HS3ST5: variants seen among roughly 807,000 people sequenced by gnomAD.
HS3ST5 encodes the protein heparan sulfate glucosamine 3-O-sulfotransferase 5.
A neutral mutation model predicts 25.4 loss-of-function variants in HS3ST5; 10 were observed. That is an observed-to-expected ratio of 0.39 (90% CI 0.24 to 0.67). The LOEUF (loss-of-function observed/expected upper bound fraction) is 0.67. HS3ST5 is among the 30% of genes least tolerant of loss of function. The pLI, the probability that HS3ST5 is intolerant of heterozygous loss-of-function variation, is 0.44. For synonymous variants in HS3ST5, 170 were observed against 162.4 expected, an observed-to-expected ratio of 1.05 and a Z score of -0.36; for missense variants, 324 against 420.7, an observed-to-expected ratio of 0.77 and a Z score of 2.01.
intron 3 of HS3ST5, among the ~76,000 whole-genome samples, chr6:114,086,774 G>T (rs1019376672): frequency 6.6e-6 from 1 of 152,188 alleles, no homozygotes; most frequent in African/African-American, 2.4e-5. Flanking sequence ...GGGGAACACA[G>T]AATGCCAAAC....
chr6:114,247,376 T>C (rs1041078688), intron 1 of HS3ST5, among the ~76,000 whole-genome samples: 1 of 152,164 alleles, frequency 6.6e-6, no homozygotes, highest in African/African-American at 2.4e-5. Context: ...ACCTTAGTGA[T>C]GAAAACCGGA....
intron 2 of HS3ST5, among the ~76,000 whole-genome samples, chr6:114,180,063 A>G (rs937173194): frequency 6.6e-6 from 1 of 152,044 alleles, no homozygotes; most frequent in Admixed American, 6.5e-5. Context: ...GCCCACCCAC[A>G]TTGAGGATGG....
chr6:114,095,882 G>A (rs971097602), intron 3 of HS3ST5, among the ~76,000 whole-genome samples: 8 of 152,008 alleles, frequency 5.3e-5, no homozygotes, highest in South Asian at 2.1e-4. Context: ...CTCTGGATAC[G>A]TCTCCTGTCC....
chr6:114,308,939 G>A (rs184851258), intron 1 of HS3ST5, among the ~76,000 whole-genome samples: 3 of 152,330 alleles, frequency 2.0e-5, no homozygotes, highest in Admixed American at 2.0e-4. Context: ...GAAGGATGAT[G>A]TTCCCTTCAG....
intron 1 of HS3ST5, among the ~76,000 whole-genome samples, chr6:114,313,270 A>G (rs542134586): frequency 5.9e-5 from 9 of 152,272 alleles, no homozygotes; most frequent in Non-Finnish European, 1.0e-4. Flanking sequence ...AGTATATCAC[A>G]CTGGAAAACA....
intron 2 of HS3ST5, among the ~76,000 whole-genome samples, chr6:114,170,415 A>C (rs1779424253): frequency 6.6e-6 from 1 of 152,118 alleles, no homozygotes; most frequent in Non-Finnish European, 1.5e-5. Context: ...TATTCCTTGG[A>C]GTCTCCTCTA....
intron 2 of HS3ST5, among the ~76,000 whole-genome samples, chr6:114,203,443 G>A (rs1390744312): frequency 6.6e-6 from 1 of 152,122 alleles, no homozygotes; most frequent in Non-Finnish European, 1.5e-5. Context: ...CTAAGATGTA[G>A]GCATAATTAG....
intron 2 of HS3ST5, among the ~76,000 whole-genome samples, chr6:114,177,126 T>C (rs1779758091): frequency 6.6e-6 from 1 of 152,224 alleles, no homozygotes; most frequent in Non-Finnish European, 1.5e-5. Flanking sequence ...GGTAGTATCA[T>C]ACATTTTGAC....
intron 1 of HS3ST5, chr6:114,251,489 A>G (rs943431122): frequency 2.0e-5 from 3 of 152,180 alleles, no homozygotes; most frequent in Non-Finnish European, 4.4e-5. Flanking sequence ...GCTTCTCAGC[A>G]TTTACATTCC....
At chr6:114,269,342 C>G (rs530740815) in intron 1 of HS3ST5, among the ~76,000 whole-genome samples, 1 of 152,096 alleles carries the variant, frequency 6.6e-6, no homozygotes, top group Non-Finnish European at 1.5e-5. Context: ...ATTATGGTAC[C>G]TCTATGAAAA....
chr6:114,057,873 T>A lies in HS3ST5; in HGVS notation c.425A>T (p.Lys142Met). ...YGKGIEWYRK[K>M]MPFSYPQQIT... ...TTGCTGAGGGTAGGAAAAAGGCATC[T>A]TTTTCCTATACCACTCAATGCCCTT... The change falls in exon 5 of 5, where the codon AAG (lysine) becomes ATG (methionine). Residue 142 changes from lysine to methionine, a missense_variant. By Grantham distance (95) the Lys-to-Met change is moderately conservative (BLOSUM62 -1). Coordinates refer to ENST00000312719, the MANE Select transcript of HS3ST5 (RefSeq NM_153612.4). 1 of 1,614,132 alleles carries A rather than the reference T, an allele frequency of 6.2e-7. No homozygotes were observed. The highest frequency in any genetic ancestry group is 8.5e-7 in the Non-Finnish European group (1 of 1,179,994).
At chr6:114,262,408 G>C (rs369362752) in intron 1 of HS3ST5, among the ~76,000 whole-genome samples, 3 of 152,076 alleles carry the variant, frequency 2.0e-5, no homozygotes, top group East Asian at 3.9e-4. Context: ...TTAGCCAGGC[G>C]TGGTGGCAGG....
intron 1 of HS3ST5, among the ~76,000 whole-genome samples, chr6:114,234,665 T>C (rs1771770434): frequency 6.6e-6 from 1 of 152,182 alleles, no homozygotes; most frequent in Non-Finnish European, 1.5e-5. Context: ...GCTGTGCCTT[T>C]TCTGACATGC....
intron 4 of HS3ST5, among the ~76,000 whole-genome samples, chr6:114,061,339 G>A (rs1306387372): frequency 6.6e-6 from 1 of 152,116 alleles, no homozygotes; most frequent in Non-Finnish European, 1.5e-5. Context: ...ACTGGAAGTC[G>A]GTGAGAAGCT....
At chr6:114,268,838 TG>T (rs1250869489) in intron 1 of HS3ST5, among the ~76,000 whole-genome samples, 1 of 152,184 alleles carries the variant, frequency 6.6e-6, no homozygotes, top group East Asian at 1.9e-4. Context: ...AGGTCATTCC[TG>T]GTCTGGATGG....
chr6:114,182,631 T>C (rs1431701352), intron 2 of HS3ST5, among the ~76,000 whole-genome samples: 1 of 152,128 alleles, frequency 6.6e-6, no homozygotes, highest in African/African-American at 2.4e-5. Flanking sequence ...GGAATTAGTC[T>C]CCATGAACAA....
chr6:114,246,771 G>A (rs1182964307), intron 1 of HS3ST5, among the ~76,000 whole-genome samples: 1 of 152,210 alleles, frequency 6.6e-6, no homozygotes, highest in Non-Finnish European at 1.5e-5. Flanking sequence ...TTACCAACTT[G>A]TAGTCACCGA....
rs192257325 is a variant in HS3ST5 at position 114,229,545 on chromosome 6, C to T, written c.-338-767G>A. ...AAGGTTCTATTGCTTGGCCAACCAC[C>T]GCGCCCAGCTCTCTTCTTTCTTGCT... is the stretch of plus-strand genomic sequence containing the variant. On this transcript the variant is annotated intron_variant, in intron 1 of 4. Transcript: ENST00000312719. 3.0e-3 allele frequency among the ~76,000 whole-genome samples: 461 copies of T among 152,224 alleles called. 1 individual carries two copies. The highest frequency in any genetic ancestry group is 0.01 in the African/African-American group (430 of 41,524).
intron 1 of HS3ST5, among the ~76,000 whole-genome samples, chr6:114,266,976 C>T (rs1013639396): frequency 2.0e-5 from 3 of 152,138 alleles, no homozygotes; most frequent in African/African-American, 7.2e-5. Context: ...ACACTTGGCT[C>T]TCACATTTTA....
Sources: allele counts gnomAD v4.1 joint callset (sites outside exome capture counted in the v4.1 genomes callset), GRCh38; gene constraint gnomAD v4.1.1; transcripts MANE v1.5; gene names NCBI Gene and HGNC (gene_info 2026-07-23, HGNC 2026-07-21).